NOL8: variants seen among roughly 807,000 people sequenced by gnomAD.
The protein encoded by NOL8 is nucleolar protein Nop132.
Under a neutral mutation model 116.1 loss-of-function variants are expected in NOL8, and 93 were observed. The ratio of observed to expected loss-of-function variants is 0.80; its 90% CI spans 0.68 to 0.95. The LOEUF is 0.95. NOL8 is among the 40% of genes least tolerant of loss of function. The probability of loss-of-function intolerance (pLI) is 0.00; values close to 1 mark genes in which losing one functional copy is unlikely to be tolerated. For missense variants in NOL8, 1,291 were observed against 1,382.8 expected (o/e 0.93, Z 1.05); for synonymous variants, 419 against 469.0 (o/e 0.89, Z 1.38).
At chr9:92,302,417 T>G (rs1259616911) in intron 12 of NOL8, among the ~76,000 whole-genome samples, 1 of 152,170 alleles carries the variant, frequency 6.6e-6, no homozygotes, top group Non-Finnish European at 1.5e-5. Context: ...AATATTAAAA[T>G]CCTTTTTCCT....
At position 92,314,558 on chromosome 9, in the gene NOL8, G is replaced by A; in HGVS notation, c.2067C>T (p.His689=). ...AGCTGTCTTTGTCAAAGCCTATGTTGTGAGTCTTTGCACTAAGACTTAAGG... is the reference window on the plus strand; with the variant it reads ...AGCTGTCTTTGTCAAAGCCTATGTTATGAGTCTTTGCACTAAGACTTAAGG... ...KKSLSLSAKT[H]NIGFDKDSCH... The change falls in exon 7 of 17, where the codon CAC becomes CAT. Residue 689 remains histidine (H), a synonymous_variant. Coordinates refer to ENST00000442668, the MANE Select transcript of NOL8 (RefSeq NM_017948.6). 1 of 1,613,416 alleles carries A rather than the reference G, an allele frequency of 6.2e-7. No individual in the cohort carries two copies. The highest frequency in any genetic ancestry group is 8.5e-7 in the Non-Finnish European group (1 of 1,179,608).
intron 13 of NOL8, chr9:92,300,740 G>A (rs575238415): frequency 8.5e-7 from 1 of 1,179,050 alleles, no homozygotes; most frequent in Non-Finnish European, 1.1e-6. Flanking sequence ...AAAGTACCAC[G>A]GAGTTGGTAT....
intron 6 of NOL8, among the ~76,000 whole-genome samples, chr9:92,317,747 C>T (rs1839538331): frequency 6.6e-6 from 1 of 152,024 alleles, no homozygotes; most frequent in Non-Finnish European, 1.5e-5. Context: ...AAGAATACAT[C>T]AAGACGGTCA....
chr9:92,320,795 CG>C (rs1839861570), intron 4 of NOL8, among the ~76,000 whole-genome samples: 1 of 152,008 alleles, frequency 6.6e-6, no homozygotes, highest in Non-Finnish European at 1.5e-5. Context: ...TTAGTAGAGA[CG>C]GGGTTTCACC....
At chr9:92,320,306 C>G (rs1839815031) in intron 4 of NOL8, 3 of 408,476 alleles carry the variant, frequency 7.3e-6, no homozygotes, top group African/African-American at 6.1e-5. Context: ...CGCAGATACT[C>G]CAAGCAGCAG....
intron 10 of NOL8, among the ~76,000 whole-genome samples, 195 bp from the exon 11 acceptor site, chr9:92,307,219 A>C (rs1587962990): frequency 6.6e-6 from 1 of 152,370 alleles, no homozygotes; most frequent in East Asian, 1.9e-4. Context: ...GCGTGACCAG[A>C]CAATGAAAAG....
At chr9:92,304,563 C>G (rs181099290) in intron 12 of NOL8, among the ~76,000 whole-genome samples, 1 of 152,076 alleles carries the variant, frequency 6.6e-6, no homozygotes, top group Admixed American at 6.5e-5. Context: ...CCTATTTGTT[C>G]AATACGGATT....
At position 92,314,889 on chromosome 9, in the gene NOL8, A is replaced by C. The variant is rs1240472824; in HGVS notation, c.1736T>G (p.Leu579Arg). Residue 579 changes from leucine (L) to arginine (R), a missense_variant, in exon 7 of 17, where the codon CTA becomes CGA. By Grantham distance (102) the Leu-to-Arg change is moderately radical (BLOSUM62 -2). Coordinates refer to ENST00000442668, the MANE Select transcript of NOL8 (RefSeq NM_017948.6). ...TTTTTTCATTGACTCCTTTTCATATAGACAGCCTACTCCCTTGAAAGCCTG... is the reference window on the plus strand; with the variant it reads ...TTTTTTCATTGACTCCTTTTCATATCGACAGCCTACTCCCTTGAAAGCCTG... ...KFQAFKGVGC[L>R]YEKESMKKSL... 2.5e-6 allele frequency: 4 copies of C among 1,613,710 alleles called. No individual in the cohort carries two copies. The highest frequency in any genetic ancestry group is 3.4e-6 in the Non-Finnish European group (4 of 1,179,854).
rs1392540041 is a variant in NOL8, at chr9:92,299,871, A to G, written c.3302+19T>C. The stretch of plus-strand genomic sequence containing the variant: ...TTTACAAATTATGAACTATGCCTGC[A>G]AAGAAACAAATTGTTTACCCAGGAC... On this transcript the variant is annotated intron_variant, in intron 14 of 16. Coordinates refer to ENST00000442668, the MANE Select transcript of NOL8 (RefSeq NM_017948.6). 2.5e-6 allele frequency: 4 copies of G among 1,610,594 alleles called. No individual in the cohort carries two copies. Among genetic ancestry groups the G allele is most frequent in the South Asian group, 2.2e-5 (2 of 90,426 alleles).
intron 12 of NOL8, among the ~76,000 whole-genome samples, chr9:92,305,293 G>GA (rs1246368915): frequency 6.6e-6 from 1 of 152,088 alleles, no homozygotes; most frequent in Non-Finnish European, 1.5e-5. Flanking sequence ...CTCAAGCCAA[G>GA]GAACACCAAA....
intron 12 of NOL8, among the ~76,000 whole-genome samples, chr9:92,302,991 T>C (rs1354100528): frequency 6.6e-6 from 1 of 152,218 alleles, no homozygotes; most frequent in East Asian, 1.9e-4. Context: ...TTGTGTGTAC[T>C]GTGGAAAATG....
intron 12 of NOL8, among the ~76,000 whole-genome samples, chr9:92,304,322 T>C (rs977060260): frequency 2.6e-5 from 4 of 152,222 alleles, no homozygotes; most frequent in Admixed American, 6.5e-5. Flanking sequence ...ACAGTACCTA[T>C]AGTGGTTATC....
At chr9:92,300,950 A>G (rs1837688746) in intron 13 of NOL8, 13 of 818,328 alleles carry the variant, frequency 1.6e-5, no homozygotes, top group Non-Finnish European at 1.9e-5. Context: ...TACAGTGGGA[A>G]CTTCCAGAAA....
chr9:92,314,563 T>C lies in NOL8; in HGVS notation c.2062A>G (p.Thr688Ala), dbSNP rs1564227527. 1 of 1,613,382 alleles carries C rather than the reference T, an allele frequency of 6.2e-7. No individual in the cohort carries two copies. Among genetic ancestry groups the C allele is most frequent in the Non-Finnish European group, 8.5e-7 (1 of 1,179,578 alleles). The change falls in exon 7 of 17, where the codon ACT becomes GCT. Residue 688 changes from threonine to alanine, a missense_variant. Coordinates refer to ENST00000442668, the MANE Select transcript of NOL8 (RefSeq NM_017948.6). ...GKKSLSLSAK[T>A]HNIGFDKDSC... The stretch of plus-strand genomic sequence containing the variant: ...TCTTTGTCAAAGCCTATGTTGTGAG[T>C]CTTTGCACTAAGACTTAAGGACTTC...
At chr9:92,298,697 G>C (rs556792512) in intron 15 of NOL8, 187 bp downstream of exon 15, 1 of 476,128 alleles carries the variant, frequency 2.1e-6, no homozygotes, top group African/African-American at 2.0e-5. Context: ...GAGAATGAGC[G>C]GGCAAAGAAA....
Position 92,297,726 on chromosome 9 carries a change from T to A in NOL8, c.*110A>T, listed in dbSNP as rs11116. The A allele has an allele frequency of 1.3e-6, 1 of 787,696 alleles. No homozygotes were observed. Among genetic ancestry groups the A allele is most frequent in the Non-Finnish European group, 2.0e-6 (1 of 504,526 alleles). 48.8% of individuals were successfully genotyped at this position (787,696 alleles called of 1,614,324 possible). A position where few individuals can be genotyped will look rare whatever the true frequency, so the allele number is the denominator to read the frequency against. On this transcript the variant is annotated 3_prime_UTR_variant, in exon 17 of 17. Coordinates refer to ENST00000442668, the MANE Select transcript of NOL8 (RefSeq NM_017948.6). ...AATGATATTCCGTCAGCCAGATTTTTAAAATTCCTTCACTCTGAAATTTCT... is the reference window on the plus strand; with the variant it reads ...AATGATATTCCGTCAGCCAGATTTTAAAAATTCCTTCACTCTGAAATTTCT...
chr9:92,302,360 A>G (rs1039888166), intron 12 of NOL8, among the ~76,000 whole-genome samples: 1 of 152,156 alleles, frequency 6.6e-6, no homozygotes, highest in Non-Finnish European at 1.5e-5. Context: ...TTGATCTGGG[A>G]CAAAAAGTTA....
At position 92,315,188 on chromosome 9, in the gene NOL8, T is replaced by A. The variant is rs61742574; in HGVS notation, c.1437A>T (p.Lys479Asn). ...EGGEEYNAMM[K>N]NCLRVNLTLA... is the part of the protein sequence containing the mutation. ...AAGTGAGATTCACACGAAGGCAGTTTTTCATCATGGCATTATACTCCTCAC... is the reference window on the plus strand; with the variant it reads ...AAGTGAGATTCACACGAAGGCAGTTATTCATCATGGCATTATACTCCTCAC... The change falls in exon 7 of 17, where the codon AAA becomes AAT. Residue 479 changes from lysine to asparagine, a missense_variant. Coordinates refer to ENST00000442668, the MANE Select transcript of NOL8 (RefSeq NM_017948.6). The A allele has an allele frequency of 0.039, 63,511 of 1,613,964 alleles. 1,518 individuals carry two copies. Among genetic ancestry groups the A allele is most frequent in the South Asian group, 0.073 (6,606 of 91,076 alleles).
chr9:92,299,947 C>T lies in NOL8; in HGVS notation c.3245G>A (p.Ser1082Asn). The T allele has an allele frequency of 6.2e-7, 1 of 1,613,596 alleles. No homozygotes were observed. Among genetic ancestry groups the T allele is most frequent in the African/African-American group, 1.3e-5 (1 of 75,026 alleles). Residue 1082 changes from serine to asparagine, a missense_variant, in exon 14 of 17, where the codon AGC becomes AAC. Transcript: ENST00000442668. Reference protein sequence around the residue: ...VWQEDPRLQDSSSEEEDVTEE... With the variant: ...VWQEDPRLQDNSSEEEDVTEE... ...AGTAACATCTTCCTCTTCTGAACTG[C>T]TGTCTTGTAAACGAGGGTCTTCCTG...
Sources: allele counts gnomAD v4.1 joint callset (sites outside exome capture counted in the v4.1 genomes callset), GRCh38; gene constraint gnomAD v4.1.1; transcripts MANE v1.5; gene names NCBI Gene and HGNC (gene_info 2026-07-23, HGNC 2026-07-21).